ATP10A: variants seen among roughly 807,000 people sequenced by gnomAD.
The protein encoded by ATP10A is phospholipid-transporting ATPase VA.
A neutral mutation model predicts 147.8 loss-of-function variants in ATP10A; 111 were observed. The ratio of observed to expected loss-of-function variants is 0.75; its 90% confidence interval spans 0.64 to 0.88. ATP10A has a LOEUF of 0.88. ATP10A is among the 40% of genes least tolerant of loss of function. The pLI, the probability that ATP10A is intolerant of heterozygous loss-of-function variation, is 0.00. For synonymous variants in ATP10A, 875 were observed against 841.6 expected, an observed-to-expected ratio of 1.04 and a Z score of -0.69; for missense variants, 1,927 against 1,959.0, an observed-to-expected ratio of 0.98 and a Z score of 0.31.
rs552803439 is a variant in ATP10A, at chr15:25,833,627, AGTT to A, written c.449+29018_449+29020del. Reference sequence around the variant, plus strand: ...CAGTATTCCATTTTTTCTTCCTCTCAGTTCCTATGTTACTCCTGCATACTTCAT... The same window carrying A: ...CAGTATTCCATTTTTTCTTCCTCTCACCTATGTTACTCCTGCATACTTCAT... On this transcript the variant is annotated intron_variant, in intron 1 of 20. Coordinates refer to ENST00000555815, the MANE Select transcript of ATP10A (RefSeq NM_024490.4). Among the ~76,000 whole-genome samples the A allele has an allele frequency of 2.9e-4, 44 of 152,308 alleles. No homozygotes were observed. The South Asian group carries it at 8.7e-3, about 30-fold the overall frequency.
intron 13 of ATP10A, among the ~76,000 whole-genome samples, chr15:25,699,623 CT>C (rs1209844991): frequency 6.6e-6 from 1 of 152,158 alleles, no homozygotes; most frequent in Non-Finnish European, 1.5e-5. Context: ...AATCTCAGCA[CT>C]TTGAGAGGCC....
intron 16 of ATP10A, among the ~76,000 whole-genome samples, chr15:25,686,017 G>C (rs964183014): frequency 6.6e-6 from 1 of 152,064 alleles, no homozygotes; most frequent in African/African-American, 2.4e-5. Flanking sequence ...TAATGCCAGG[G>C]CTGGGAGAAA....
At chr15:25,840,611 C>T (rs571654083) in intron 1 of ATP10A, among the ~76,000 whole-genome samples, 12 of 152,206 alleles carry the variant, frequency 7.9e-5, no homozygotes, top group East Asian at 3.9e-4. Flanking sequence ...AAAAATGCTG[C>T]GATGAACATT....
chr15:25,711,601 A>G (rs1310078905), intron 10 of ATP10A, among the ~76,000 whole-genome samples: 1 of 149,748 alleles, frequency 6.7e-6, no homozygotes, highest in African/African-American at 2.5e-5. Flanking sequence ...CACTGCTTGG[A>G]AATTCCCAGA....
At chr15:25,727,398 G>T in intron 3 of ATP10A, 132 bp from the exon 4 acceptor site, 1 of 804,674 alleles carries the variant, frequency 1.2e-6, no homozygotes, top group Non-Finnish European at 2.0e-6. Flanking sequence ...ACTGGGAAGG[G>T]TACAGGGGGC....
chr15:25,813,595 T>C (rs1413257775), intron 1 of ATP10A, among the ~76,000 whole-genome samples: 1 of 152,112 alleles, frequency 6.6e-6, no homozygotes, highest in Non-Finnish European at 1.5e-5. Context: ...ATAAAAGGAA[T>C]AGACAGCAGA....
At chr15:25,830,781 A>T (rs1201333356) in intron 1 of ATP10A, among the ~76,000 whole-genome samples, 3 of 152,188 alleles carry the variant, frequency 2.0e-5, no homozygotes, top group Non-Finnish European at 4.4e-5. Context: ...GTTTCAAAAG[A>T]AACAAGTGGC....
intron 1 of ATP10A, among the ~76,000 whole-genome samples, chr15:25,800,544 C>G (rs1890889451): frequency 6.6e-6 from 1 of 152,200 alleles, no homozygotes; most frequent in Non-Finnish European, 1.5e-5. Flanking sequence ...CGCGTGCCTG[C>G]TGGGCGCTGC....
intron 2 of ATP10A, among the ~76,000 whole-genome samples, chr15:25,754,261 G>C (rs895885799): frequency 6.6e-6 from 1 of 152,166 alleles, no homozygotes; most frequent in African/African-American, 2.4e-5. Flanking sequence ...AGCCTCCCGA[G>C]TAGCTGGGAC....
Position 25,799,627 on chromosome 15 carries a change from G to A in ATP10A, c.450-18404C>T, listed in dbSNP as rs148307452. 2.4e-4 allele frequency among the ~76,000 whole-genome samples: 37 copies of A among 152,238 alleles called. 1 individual carries two copies. The East Asian group carries it at 6.0e-3, about 25-fold the overall frequency. On this transcript the variant is annotated intron_variant, in intron 1 of 20. Coordinates refer to ENST00000555815, the MANE Select transcript of ATP10A (RefSeq NM_024490.4). ...TGCACGCCTGTGGTCCCAGCTACTC[G>A]GGAGGCTGAGGTGGAGGATCGCTTG...
At chr15:25,842,335 C>A (rs144064646) in intron 1 of ATP10A, among the ~76,000 whole-genome samples, 1 of 152,174 alleles carries the variant, frequency 6.6e-6, no homozygotes, top group Non-Finnish European at 1.5e-5. Flanking sequence ...AAACAGAAGT[C>A]CAGGGTCTCA....
At chr15:25,813,478 C>CAATGTTAGAT (rs1198564754) in intron 1 of ATP10A, among the ~76,000 whole-genome samples, 1 of 152,024 alleles carries the variant, frequency 6.6e-6, no homozygotes, top group East Asian at 1.9e-4. Flanking sequence ...GTGAAATTCA[C>CAATGTTAGAT]AATGTTAGAT....
rs1162667397 is a variant in ATP10A at position 25,710,178 on chromosome 15, T to G, written c.2345-1878A>C. 3 of 152,202 alleles carry G rather than the reference T, an allele frequency of 2.0e-5. No individual in the cohort carries two copies. In the East Asian group the frequency reaches 5.8e-4, roughly 29 times the overall value. 9.4% of individuals were successfully genotyped at this position (152,202 alleles called of 1,614,324 possible). A position where few individuals can be genotyped will look rare whatever the true frequency, so the allele number is the denominator to read the frequency against. ...TGATGTTCCACAGCCACCCAAGTCC[T>G]GTGTGTCTTGTCTCCCTATGGTGAC... On this transcript the variant is annotated intron_variant, in intron 10 of 20. Transcript: ENST00000555815.
At chr15:25,830,039 C>A (rs1272064213) in intron 1 of ATP10A, among the ~76,000 whole-genome samples, 1 of 152,090 alleles carries the variant, frequency 6.6e-6, no homozygotes, top group East Asian at 1.9e-4. Flanking sequence ...GCCTCGGTCA[C>A]CATCTGGAGG....
intron 1 of ATP10A, among the ~76,000 whole-genome samples, chr15:25,801,257 G>A (rs1403056444): frequency 6.6e-6 from 1 of 152,154 alleles, no homozygotes; most frequent in Non-Finnish European, 1.5e-5. Context: ...CAGGTGTCCA[G>A]GGGCCCTTCC....
intron 2 of ATP10A, 102 bp from the exon 3 acceptor site, chr15:25,736,243 A>G (rs535124573): frequency 1.1e-6 from 1 of 876,178 alleles, no homozygotes; most frequent in African/African-American, 1.7e-5. Flanking sequence ...GGCACATTTC[A>G]CGGGGGAAGA....
In ATP10A at chr15:25,839,943, G is replaced by A. The variant is rs28497512; in HGVS notation, c.449+22705C>T. ...TTCGTGTGCGTGTGTGTGCGCATGT[G>A]CATCTGTGCAGTTTCTCAACCACAA... is the stretch of plus-strand genomic sequence containing the variant. On this transcript the variant is annotated intron_variant, in intron 1 of 20. Transcript: ENST00000555815. Among the ~76,000 whole-genome samples, 692 of 152,190 alleles carry A rather than the reference G, an allele frequency of 4.5e-3. 5 individuals carry two copies. The highest frequency in any genetic ancestry group is 0.016 in the African/African-American group (663 of 41,510).
intron 1 of ATP10A, among the ~76,000 whole-genome samples, chr15:25,816,020 C>G (rs4906779): frequency 0.81 from 120,899 of 148,954 alleles, 49,085 homozygotes; most frequent in East Asian, 0.84. Flanking sequence ...AAGATTTCCA[C>G]GGTAGAAGAT....
At chr15:25,692,632 T>C (rs539822408) in intron 14 of ATP10A, among the ~76,000 whole-genome samples, 16 of 152,338 alleles carry the variant, frequency 1.1e-4, no homozygotes, top group Admixed American at 2.6e-4. Flanking sequence ...ATATATCAAA[T>C]TGGAATTCTC....
Sources: allele counts gnomAD v4.1 joint callset (sites outside exome capture counted in the v4.1 genomes callset), GRCh38; gene constraint gnomAD v4.1.1; transcripts MANE v1.5; gene names NCBI Gene and HGNC (gene_info 2026-07-23, HGNC 2026-07-21).